Variants in EYA2 observed in about 807,000 individuals in gnomAD.
EYA2 encodes protein phosphatase EYA2.
EYA2 carries 31 observed loss-of-function variants against 69.2 expected under a neutral mutation model. That is an observed-to-expected ratio of 0.45 (90% CI 0.34 to 0.60). The LOEUF (loss-of-function observed/expected upper bound fraction) is 0.60. Ranked by LOEUF, EYA2 falls within the 20% of genes least tolerant of loss-of-function variation. EYA2 has a pLI of 0.02. For missense variants in EYA2, 622 were observed against 701.2 expected (o/e 0.89, Z 1.28); for synonymous variants, 257 against 279.4 (o/e 0.92, Z 0.80).
chr20:47,102,561 C>A (rs1351304026), intron 9 of EYA2, among the ~76,000 whole-genome samples: 3 of 152,178 alleles, frequency 2.0e-5, no homozygotes, highest in African/African-American at 7.2e-5. Flanking sequence ...TGGGGACTTG[C>A]TGTTTTTTGG....
intron 12 of EYA2, among the ~76,000 whole-genome samples, chr20:47,178,918 A>G (rs2034479290): frequency 6.6e-6 from 1 of 151,134 alleles, no homozygotes; most frequent in East Asian, 2.0e-4. Flanking sequence ...CCCTATGGTG[A>G]GCAAGTCAGT....
chr20:47,009,643 C>A (rs908584236), intron 4 of EYA2, among the ~76,000 whole-genome samples: 2 of 152,160 alleles, frequency 1.3e-5, no homozygotes, highest in African/African-American at 4.8e-5. Context: ...CAAACTTTTT[C>A]TATAAAGAGC....
intron 7 of EYA2, among the ~76,000 whole-genome samples, chr20:47,087,789 CAT>C (rs2031942698): frequency 6.6e-6 from 1 of 152,240 alleles, no homozygotes; most frequent in Non-Finnish European, 1.5e-5. Flanking sequence ...CTAATCCACA[CAT>C]ATCCATGGGT....
intron 1 of EYA2, among the ~76,000 whole-genome samples, chr20:46,895,340 A>T (rs1405227104): frequency 6.6e-6 from 1 of 152,130 alleles, no homozygotes; most frequent in Non-Finnish European, 1.5e-5. Flanking sequence ...TTGTTCGATT[A>T]TGGTCCCGGC....
chr20:46,928,141 A>G (rs1158326458), intron 1 of EYA2, among the ~76,000 whole-genome samples: 14 of 152,214 alleles, frequency 9.2e-5, no homozygotes, highest in Admixed American at 9.2e-4. Context: ...TACATTACTC[A>G]GCTCTGCACT....
chr20:47,134,575 T>TAC (rs10627302), intron 9 of EYA2, among the ~76,000 whole-genome samples: 50,101 of 149,562 alleles, frequency 0.33, 11,520 homozygotes, highest in African/African-American at 0.68. Flanking sequence ...ACCCACCACA[T>TAC]ACACACACAC....
At chr20:47,147,143 G>A (rs919850534) in intron 10 of EYA2, among the ~76,000 whole-genome samples, 4 of 150,820 alleles carry the variant, frequency 2.7e-5, no homozygotes, top group African/African-American at 9.8e-5. Flanking sequence ...CTGCCTCCTG[G>A]GTTCAAGCGA....
intron 1 of EYA2, among the ~76,000 whole-genome samples, chr20:46,952,548 C>T (rs1361294902): frequency 6.6e-6 from 1 of 152,190 alleles, no homozygotes; most frequent in Non-Finnish European, 1.5e-5. Flanking sequence ...AGTTCCTCTG[C>T]TGAACAGTGA....
intron 5 of EYA2, among the ~76,000 whole-genome samples, chr20:47,053,031 G>A (rs780717626): frequency 1.5e-4 from 23 of 152,114 alleles, no homozygotes; most frequent in Admixed American, 2.6e-4. Flanking sequence ...GGTCATCTTC[G>A]TCTCCCCAGC....
intron 8 of EYA2, among the ~76,000 whole-genome samples, chr20:47,095,442 T>A (rs961154107): frequency 1.5e-4 from 23 of 152,032 alleles, no homozygotes; most frequent in African/African-American, 5.5e-4. Context: ...AAATAAAAAT[T>A]TTCAGATCTG....
chr20:46,962,736 G>A (rs1026543302), intron 1 of EYA2, among the ~76,000 whole-genome samples: 3 of 152,172 alleles, frequency 2.0e-5, no homozygotes, highest in African/African-American at 7.2e-5. Flanking sequence ...CCACGTAACA[G>A]CAAAGTCTGA....
At chr20:46,936,234 G>A (rs1985903291) in intron 1 of EYA2, among the ~76,000 whole-genome samples, 1 of 152,216 alleles carries the variant, frequency 6.6e-6, no homozygotes, top group Non-Finnish European at 1.5e-5. Context: ...CACTTGGGAG[G>A]CCTAGGCAGG....
chr20:47,166,782 G>C (rs1377582515), intron 10 of EYA2, among the ~76,000 whole-genome samples: 1 of 152,070 alleles, frequency 6.6e-6, no homozygotes, highest in African/African-American at 2.4e-5. Flanking sequence ...TCAGTTATCA[G>C]GTCCATTTAT....
intron 1 of EYA2, among the ~76,000 whole-genome samples, chr20:46,963,011 C>A (rs112164798): frequency 1.3e-5 from 2 of 152,216 alleles, no homozygotes; most frequent in South Asian, 4.1e-4. Flanking sequence ...ACTGCTCCCT[C>A]GCTCTACCCC....
In EYA2 at chr20:46,933,384, C is replaced by T. The variant is rs568948320; in HGVS notation, c.-11+38397C>T. ...AGCAGCGTGGTGGCAGCTGTTGGAT[C>T]GGCTGGCCACACTTCCACAGATCTG... On this transcript the variant is annotated intron_variant, in intron 1 of 15. Transcript: ENST00000327619. Among the ~76,000 whole-genome samples the T allele has an allele frequency of 3.3e-5, 5 of 152,278 alleles. No homozygotes were observed. In the East Asian group the frequency reaches 5.8e-4, roughly 18 times the overall value.
intron 14 of EYA2, 42 bp downstream of exon 14, chr20:47,180,978 G>A (rs2034526747): frequency 1.9e-6 from 3 of 1,596,036 alleles, no homozygotes; most frequent in Admixed American, 1.7e-5. Flanking sequence ...AGGGTTGGAG[G>A]GTGGGGTTAG....
intron 2 of EYA2, among the ~76,000 whole-genome samples, chr20:46,996,020 T>C (rs1004221762): frequency 1.3e-5 from 2 of 152,250 alleles, no homozygotes; most frequent in Admixed American, 1.3e-4. Flanking sequence ...AATTTGGATC[T>C]GACCCCTTAA....
chr20:47,060,956 A>G (rs968355318), intron 5 of EYA2, among the ~76,000 whole-genome samples: 1 of 151,140 alleles, frequency 6.6e-6, no homozygotes, highest in African/African-American at 2.4e-5. Flanking sequence ...CCCAGGTTCA[A>G]GTGATTCTCC....
chr20:47,105,416 G>A (rs896113638), intron 9 of EYA2, among the ~76,000 whole-genome samples: 3 of 152,170 alleles, frequency 2.0e-5, no homozygotes, highest in Admixed American at 6.5e-5. Flanking sequence ...CTTGAGGCCA[G>A]GAGTTCGAAA....
Sources: gnomAD v4.1 joint callset for allele counts (sites outside exome capture counted in the v4.1 genomes callset) on GRCh38, gnomAD v4.1.1 for gene constraint, MANE v1.5 for transcripts, NCBI Gene and HGNC (gene_info 2026-07-23, HGNC 2026-07-21) for gene names.